SF1: variants seen among roughly 807,000 people sequenced by gnomAD.
The protein encoded by SF1 is branch point-binding protein.
In SF1, 7 loss-of-function variants were observed where a neutral mutation model predicts 62.5. That is an observed-to-expected ratio of 0.11 (90% CI 0.06 to 0.21). The LOEUF is 0.21. Among genes scored for constraint, SF1 ranks in the 10% least tolerant of loss-of-function variants. SF1 has a pLI of 1.00. For missense variants in SF1, 578 were observed against 884.0 expected, an observed-to-expected ratio of 0.65 and a Z score of 4.39; for synonymous variants, 394 against 323.6, an observed-to-expected ratio of 1.22 and a Z score of -2.33.
At chr11:64,778,035 G>A (rs1351263315) in intron 1 of SF1, 10 of 1,010,818 alleles carry the variant, frequency 9.9e-6, no homozygotes, top group African/African-American at 7.0e-5. Context: ...CGCGGCGGCT[G>A]GGGTGGCGGC....
intron 1 of SF1, 164 bp downstream of exon 1, chr11:64,778,198 G>A (rs1203841327): frequency 8.3e-6 from 9 of 1,081,754 alleles, no homozygotes; most frequent in Non-Finnish European, 9.2e-6. Flanking sequence ...GCAGCGCCGC[G>A]AAGGGGAAGG....
At position 64,769,426 on chromosome 11, in the gene SF1, C is replaced by T. The variant is rs2135916019; in HGVS notation, c.663G>A (p.Gln221=). ...TMENVKKAVE[Q]IRNILKQGIE... ...CTTCCTTTCTGGGCTCACCGCTCAC[C>T]TGTTCCACTGCCTTTTTGACGTTCT... The change falls in exon 6 of 13, where the codon CAG becomes CAA. Residue 221 remains glutamine, a splice_region_variant and synonymous_variant. Transcript: ENST00000377390. The T allele has an allele frequency of 6.2e-7, 1 of 1,614,178 alleles. No individual in the cohort carries two copies. Among genetic ancestry groups the T allele is most frequent in the Non-Finnish European group, 8.5e-7 (1 of 1,180,012 alleles).
At chr11:64,777,793 T>TC (rs538873749) in intron 1 of SF1, 152 of 298,624 alleles carry the variant, frequency 5.1e-4, no homozygotes, top group Middle Eastern at 2.9e-3. Context: ...CGCCCAGCCC[T>TC]CCCCCCACAG....
chr11:64,772,629 G>A, intron 3 of SF1: 4 of 984,910 alleles, frequency 4.1e-6, no homozygotes, highest in Non-Finnish European at 4.8e-6. Flanking sequence ...TCAGTGAGAG[G>A]GAGAGACTTA....
intron 2 of SF1, among the ~76,000 whole-genome samples, chr11:64,775,731 G>C (rs1156398392): frequency 6.6e-6 from 1 of 152,116 alleles, no homozygotes; most frequent in Non-Finnish European, 1.5e-5. Context: ...GATAAAACTT[G>C]CATTAAAAAC....
At chr11:64,775,008 A>T (rs889038587) in intron 2 of SF1, among the ~76,000 whole-genome samples, 6 of 151,924 alleles carry the variant, frequency 3.9e-5, no homozygotes, top group Admixed American at 2.6e-4. Flanking sequence ...ACAAAGCAGT[A>T]TGTACCGTGG....
chr11:64,765,425 G>A lies in SF1; in HGVS notation c.*393C>T, dbSNP rs765393387. ...TGCCGAACCATCCTGTCCACCAGGG[G>A]CGTTGCTGAGGCTGTCTGCCTGGAA... On this transcript the variant is annotated 3_prime_UTR_variant, in exon 13 of 13. Coordinates refer to ENST00000377390, the MANE Select transcript of SF1 (RefSeq NM_004630.4). 6.6e-7 allele frequency: 1 copy of A among 1,521,436 alleles called. No individual in the cohort carries two copies. The highest frequency in any genetic ancestry group is 9.1e-7 in the Non-Finnish European group (1 of 1,095,680). 94.2% of individuals were successfully genotyped at this position (1,521,436 alleles called of 1,614,324 possible). A position where few individuals can be genotyped will look rare whatever the true frequency, so the allele number is the denominator to read the frequency against.
intron 12 of SF1, 67 bp from the exon 13 acceptor site, chr11:64,766,222 C>T: frequency 1.9e-6 from 2 of 1,047,506 alleles, no homozygotes; most frequent in Non-Finnish European, 2.5e-6. Flanking sequence ...CGGCTGCTGC[C>T]TTGGGATGGG....
In SF1 at chr11:64,765,813, C is replaced by G. The variant is rs1294574881; in HGVS notation, c.*5G>C. 1.3e-6 allele frequency: 2 copies of G among 1,532,762 alleles called. No individual in the cohort carries two copies. The highest frequency in any genetic ancestry group is 2.8e-5 in the African/African-American group (2 of 71,634). The allele number at this position is 1,532,762 out of a possible 1,614,324, so 94.9% of individuals were successfully genotyped here. A position where few individuals can be genotyped will look rare whatever the true frequency, so the allele number is the denominator to read the frequency against. ...ATATAATATATATTTTCTTAAAAAACAAGTCTAGTTCTGTGGTGGAGGCGG... is the reference window on the plus strand; with the variant it reads ...ATATAATATATATTTTCTTAAAAAAGAAGTCTAGTTCTGTGGTGGAGGCGG... On this transcript the variant is annotated 3_prime_UTR_variant, in exon 13 of 13. Coordinates refer to ENST00000377390, the MANE Select transcript of SF1 (RefSeq NM_004630.4).
rs377713077 is a variant in SF1, at chr11:64,769,406, T to C, written c.663+20A>G. 9.9e-5 allele frequency: 160 copies of C among 1,613,790 alleles called. No individual in the cohort carries two copies. Among genetic ancestry groups the C allele is most frequent in the Admixed American group, 1.8e-4 (11 of 59,992 alleles). ...CCTAGGTTTCTGCTAGGAGGCTTCC[T>C]TTCTGGGCTCACCGCTCACCTGTTC... On this transcript the variant is annotated intron_variant, in intron 6 of 12. Transcript: ENST00000377390.
chr11:64,767,915 GA>G (rs1937619564), intron 9 of SF1, 71 bp from the exon 10 acceptor site: 1 of 1,567,676 alleles, frequency 6.4e-7, no homozygotes, highest in Non-Finnish European at 8.6e-7. Context: ...TTCGGGTTAT[GA>G]CACAGGACCA....
At chr11:64,777,833 A>G (rs909332854) in intron 1 of SF1, 1 of 952,384 alleles carries the variant, frequency 1.0e-6, no homozygotes, top group South Asian at 4.8e-5. Context: ...CCCTAGAACC[A>G]GGCCGCGCGC....
Position 64,776,588 on chromosome 11 carries a change from G to C in SF1, c.70C>G (p.Gln24Glu). 1 of 1,592,956 alleles carries C rather than the reference G, an allele frequency of 6.3e-7. No homozygotes were observed. Among genetic ancestry groups the C allele is most frequent in the Non-Finnish European group, 8.5e-7 (1 of 1,172,904 alleles). Reference protein sequence around the residue: ...SKKRKRSRWNQDTMEQKTVIP... With the variant: ...SKKRKRSRWNEDTMEQKTVIP... ...ACTGTCTTCTGTTCCATTGTGTCTT[G>C]GTTCCAGCGGCTCCTCTTCCGCTTC... Residue 24 changes from glutamine (Q) to glutamate (E), a missense_variant, in exon 2 of 13, where the codon CAA becomes GAA. Physicochemically the swap from Gln to Glu is conservative, Grantham distance 29 (BLOSUM62 2). This residue lies in a region of SF1 where 37 missense variants were observed against 34.6 expected (regional missense o/e 1.07). Coordinates refer to ENST00000377390, the MANE Select transcript of SF1 (RefSeq NM_004630.4).
chr11:64,769,008 A>G lies in SF1; in HGVS notation c.887+14T>C. 1.3e-6 allele frequency: 2 copies of G among 1,585,228 alleles called. No homozygotes were observed. The highest frequency in any genetic ancestry group is 1.7e-6 in the Non-Finnish European group (2 of 1,153,668). ...TCGCAGGCTACCAGGAAACCGCAAGAGCCAGCCCCTCACCTTTGGAATTTA... is the reference window on the plus strand; with the variant it reads ...TCGCAGGCTACCAGGAAACCGCAAGGGCCAGCCCCTCACCTTTGGAATTTA... On this transcript the variant is annotated intron_variant, in intron 8 of 12. Coordinates refer to ENST00000377390, the MANE Select transcript of SF1 (RefSeq NM_004630.4).
chr11:64,770,950 G>T (rs1219276882), intron 3 of SF1, among the ~76,000 whole-genome samples: 3 of 152,242 alleles, frequency 2.0e-5, no homozygotes, highest in African/African-American at 7.2e-5. Flanking sequence ...ACAATGGAGA[G>T]AGATGGTTCG....
intron 8 of SF1, 34 bp from the exon 9 acceptor site, chr11:64,768,320 G>A: frequency 1.9e-6 from 3 of 1,593,948 alleles, no homozygotes; most frequent in Non-Finnish European, 2.6e-6. Context: ...ACAGAGAAAG[G>A]GGAAAAACTT....
chr11:64,772,601 T>C (rs778068412), intron 3 of SF1: 2 of 985,112 alleles, frequency 2.0e-6, no homozygotes, highest in Non-Finnish European at 2.4e-6. Flanking sequence ...AACTATTCTG[T>C]ATGTACTAAG....
chr11:64,772,693 C>T, intron 3 of SF1: 1 of 985,258 alleles, frequency 1.0e-6, no homozygotes, highest in Non-Finnish European at 1.2e-6. Flanking sequence ...TAATAAAATT[C>T]CAGTTTAAAA....
chr11:64,771,585 G>A (rs963988857), intron 3 of SF1: 1 of 985,258 alleles, frequency 1.0e-6, no homozygotes, highest in Non-Finnish European at 1.2e-6. Context: ...TGGAATAAAA[G>A]GTCAGGTTTG....
Sources: allele counts gnomAD v4.1 joint callset (sites outside exome capture counted in the v4.1 genomes callset), GRCh38; gene constraint gnomAD v4.1.1; regional missense constraint gnomAD v4.1.1; transcripts MANE v1.5; gene names NCBI Gene and HGNC (gene_info 2026-07-23, HGNC 2026-07-21).